Variants in AFF4 observed in about 807,000 individuals in gnomAD.
The protein encoded by AFF4 is AF4/FMR2 family member 4.
In AFF4, 13 loss-of-function variants were observed where a neutral mutation model predicts 124.8. The observed-to-expected ratio is 0.10, with a 90% CI of 0.07 to 0.17. The LOEUF is 0.17. Among genes scored for constraint, AFF4 ranks in the 10% least tolerant of loss-of-function variants. AFF4 has a pLI of 1.00. For synonymous variants in AFF4, 477 were observed against 496.1 expected (o/e 0.96, Z 0.51); for missense variants, 1,092 against 1,403.8 (o/e 0.78, Z 3.55).
chr5:132,922,419 G>C (rs1478125457), intron 5 of AFF4, among the ~76,000 whole-genome samples: 1 of 151,504 alleles, frequency 6.6e-6, no homozygotes, highest in African/African-American at 2.4e-5. Context: ...GTCTTAAAAA[G>C]AAAGAAATAA....
intron 1 of AFF4, among the ~76,000 whole-genome samples, chr5:132,957,045 A>AC (rs1206402236): frequency 2.8e-5 from 4 of 141,576 alleles, no homozygotes; most frequent in Non-Finnish European, 3.1e-5. Context: ...AAAAAAAAAA[A>AC]AAAACAGAAA....
chr5:132,958,755 CA>C (rs1261208769), intron 1 of AFF4, among the ~76,000 whole-genome samples: 2 of 152,032 alleles, frequency 1.3e-5, no homozygotes, highest in Non-Finnish European at 2.9e-5. Context: ...CTAATGATGA[CA>C]TGAAAAGGAA....
intron 5 of AFF4, among the ~76,000 whole-genome samples, chr5:132,910,795 G>A (rs867897627): frequency 6.6e-6 from 1 of 152,140 alleles, no homozygotes; most frequent in East Asian, 1.9e-4. Context: ...TTGGCACAGC[G>A]TTTTCCTATG....
At chr5:132,941,091 T>C (rs2150103805) in intron 1 of AFF4, among the ~76,000 whole-genome samples, 2 of 152,256 alleles carry the variant, frequency 1.3e-5, no homozygotes, top group South Asian at 4.1e-4. Flanking sequence ...CTCTATTTTT[T>C]TCTGATCTTT....
At chr5:132,935,765 A>G (rs1219664608) in intron 2 of AFF4, among the ~76,000 whole-genome samples, 2 of 151,548 alleles carry the variant, frequency 1.3e-5, no homozygotes, top group African/African-American at 4.8e-5. Context: ...TCCGAAAAAA[A>G]AAAAAAAACT....
chr5:132,963,559 T>G lies in AFF4; in HGVS notation c.-305A>C. ...CGGCGGGGGCGGGTTAACGAAGACCTGGCACCAGGATCCCCGCCCCGTCCG... is the reference window on the plus strand; with the variant it reads ...CGGCGGGGGCGGGTTAACGAAGACCGGGCACCAGGATCCCCGCCCCGTCCG... On this transcript the variant is annotated 5_prime_UTR_variant, in exon 1 of 21. Coordinates refer to ENST00000265343, the MANE Select transcript of AFF4 (RefSeq NM_014423.4). 2.5e-6 allele frequency: 1 copy of G among 398,132 alleles called. No individual in the cohort carries two copies. The highest frequency in any genetic ancestry group is 4.4e-6 in the Non-Finnish European group (1 of 225,810). The allele number at this position is 398,132 out of a possible 1,614,324, so 24.7% of individuals were successfully genotyped here. A position where few individuals can be genotyped will look rare whatever the true frequency, so the allele number is the denominator to read the frequency against.
chr5:132,942,689 C>T (rs1761601571), intron 1 of AFF4, among the ~76,000 whole-genome samples: 1 of 152,162 alleles, frequency 6.6e-6, no homozygotes, highest in Admixed American at 6.5e-5. Context: ...GTCTCAAACT[C>T]CCGACCTCAG....
chr5:132,911,692 A>G (rs1760794307), intron 5 of AFF4, among the ~76,000 whole-genome samples: 1 of 152,038 alleles, frequency 6.6e-6, no homozygotes, highest in East Asian at 1.9e-4. Flanking sequence ...AAAATTGAGT[A>G]ATAGCAAGTT....
chr5:132,883,113 AG>A (rs1236353250), intron 20 of AFF4, among the ~76,000 whole-genome samples: 1 of 152,216 alleles, frequency 6.6e-6, no homozygotes, highest in African/African-American at 2.4e-5. Context: ...TCTTAGTCCA[AG>A]AACTATTTTC....
intron 15 of AFF4, 35 bp from the exon 16 acceptor site, chr5:132,888,017 T>C: frequency 1.2e-6 from 2 of 1,611,626 alleles, no homozygotes; most frequent in Non-Finnish European, 1.7e-6. Flanking sequence ...TGAGTAATGA[T>C]CTACTATGGC....
chr5:132,886,924 T>C (rs2150065985), intron 17 of AFF4, among the ~76,000 whole-genome samples: 1 of 152,214 alleles, frequency 6.6e-6, no homozygotes, highest in Middle Eastern at 3.4e-3. Context: ...CTAAATAGAG[T>C]AGGTCTCCCT....
At chr5:132,921,209 A>C (rs1191170568) in intron 5 of AFF4, among the ~76,000 whole-genome samples, 1 of 152,070 alleles carries the variant, frequency 6.6e-6, no homozygotes, top group Non-Finnish European at 1.5e-5. Flanking sequence ...CAAAATATTC[A>C]GACACTGCAC....
At chr5:132,950,939 A>C (rs1351500972) in intron 1 of AFF4, among the ~76,000 whole-genome samples, 3 of 152,134 alleles carry the variant, frequency 2.0e-5, no homozygotes, top group Non-Finnish European at 4.4e-5. Context: ...ATTTTAACAA[A>C]GGCCAGGCAT....
intron 5 of AFF4, 24 bp from the exon 6 acceptor site, chr5:132,904,428 AT>A (rs750203870): frequency 4.3e-5 from 69 of 1,593,276 alleles, no homozygotes; most frequent in Non-Finnish European, 5.5e-5. Flanking sequence ...ACATAAAATT[AT>A]ACAAAGTTAC....
chr5:132,952,551 C>T (rs1761869708), intron 1 of AFF4, among the ~76,000 whole-genome samples: 1 of 152,184 alleles, frequency 6.6e-6, no homozygotes, highest in African/African-American at 2.4e-5. Flanking sequence ...AGACATGGGT[C>T]TTATTCTCGT....
intron 5 of AFF4, among the ~76,000 whole-genome samples, chr5:132,925,755 G>A (rs113715336): frequency 8.5e-5 from 13 of 152,298 alleles, no homozygotes; most frequent in Non-Finnish European, 1.9e-4. Context: ...ATATCAAATG[G>A]TGGTGTGCAT....
Position 132,877,943 on chromosome 5 carries a change from A to G in AFF4, c.*3116T>C, listed in dbSNP as rs538124600. Reference sequence around the variant, plus strand: ...CGCCACTGCCAGAGCTCCCAGAAACACAGGTGTCTGTGGGCTCACGCACAC... The same window carrying G: ...CGCCACTGCCAGAGCTCCCAGAAACGCAGGTGTCTGTGGGCTCACGCACAC... On this transcript the variant is annotated 3_prime_UTR_variant, in exon 21 of 21. Coordinates refer to ENST00000265343, the MANE Select transcript of AFF4 (RefSeq NM_014423.4). 2 of 225,000 alleles carry G rather than the reference A, an allele frequency of 8.9e-6. No individual in the cohort carries two copies. The highest frequency in any genetic ancestry group is 4.4e-5 in the African/African-American group (2 of 44,984). 13.9% of individuals were successfully genotyped at this position (225,000 alleles called of 1,614,324 possible).
intron 3 of AFF4, among the ~76,000 whole-genome samples, chr5:132,932,666 A>G (rs1010121915): frequency 4.6e-5 from 7 of 152,230 alleles, no homozygotes; most frequent in Admixed American, 2.0e-4. Context: ...GAGCAGTAGG[A>G]CGTAAGTAAC....
Position 132,886,325 on chromosome 5 carries a change from C to T in AFF4, c.3084G>A (p.Leu1028=), listed in dbSNP as rs773526831. Residue 1028 remains leucine (L), a synonymous_variant, in exon 18 of 21, where the codon CTG becomes CTA. Coordinates refer to ENST00000265343, the MANE Select transcript of AFF4 (RefSeq NM_014423.4). The part of the protein sequence containing the change: ...KENALKYSKT[L]TEHLKNSYNN... ...GCATACTTACCTTCAGGTGCTCTGT[C>T]AGTGTCTTTGAGTACTTCAGAGCAT... 6.8e-6 allele frequency: 11 copies of T among 1,613,948 alleles called. No homozygotes were observed. Among genetic ancestry groups the T allele is most frequent in the African/African-American group, 1.3e-5 (1 of 75,046 alleles).
Sources: allele counts gnomAD v4.1 joint callset (sites outside exome capture counted in the v4.1 genomes callset), GRCh38; gene constraint gnomAD v4.1.1; transcripts MANE v1.5; gene names NCBI Gene and HGNC (gene_info 2026-07-23, HGNC 2026-07-21).